DNER: variants seen among roughly 807,000 people sequenced by gnomAD.
DNER encodes delta and Notch-like epidermal growth factor-related receptor.
Under a neutral mutation model 78.2 loss-of-function variants are expected in DNER, and 33 were observed. That is an observed-to-expected ratio of 0.42 (90% CI 0.32 to 0.56). The LOEUF is 0.56. Ranked by LOEUF, DNER falls within the 20% of genes least tolerant of loss-of-function variation. The probability of loss-of-function intolerance (pLI) is 0.11; values close to 1 mark genes in which losing one functional copy is unlikely to be tolerated. For missense variants in DNER, 918 were observed against 975.3 expected (o/e 0.94, Z 0.78); for synonymous variants, 417 against 384.8 (o/e 1.08, Z -0.98).
intron 1 of DNER, among the ~76,000 whole-genome samples, chr2:229,638,312 A>G (rs1698560141): frequency 6.6e-6 from 1 of 152,244 alleles, no homozygotes; most frequent in Non-Finnish European, 1.5e-5. Flanking sequence ...TAATTTCATA[A>G]TTGCAGTCTA....
intron 6 of DNER, among the ~76,000 whole-genome samples, chr2:229,483,412 T>C (rs901383951): frequency 2.0e-5 from 3 of 152,220 alleles, no homozygotes; most frequent in African/African-American, 7.2e-5. Flanking sequence ...TCTGTGCCTA[T>C]TGGTATGCAA....
chr2:229,526,427 A>G (rs1310252121), intron 5 of DNER, among the ~76,000 whole-genome samples: 3 of 152,220 alleles, frequency 2.0e-5, no homozygotes, highest in Non-Finnish European at 1.5e-5. Context: ...ATACAGAGGA[A>G]ATGAAACCCA....
At chr2:229,443,097 T>C (rs1475532665) in intron 8 of DNER, among the ~76,000 whole-genome samples, 1 of 151,922 alleles carries the variant, frequency 6.6e-6, no homozygotes, top group Non-Finnish European at 1.5e-5. Context: ...TCTTGCTTGT[T>C]AAAAAAAATT....
At chr2:229,374,836 AAAGTT>A (rs200196468) in intron 11 of DNER, among the ~76,000 whole-genome samples, 2,954 of 152,298 alleles carry the variant, frequency 0.019, 91 homozygotes, top group African/African-American at 0.067. Flanking sequence ...ACACTTATAA[AAAGTT>A]AAGTATTATT....
At chr2:229,658,292 A>G in intron 1 of DNER, among the ~76,000 whole-genome samples, 1 of 152,210 alleles carries the variant, frequency 6.6e-6, no homozygotes, top group East Asian at 1.9e-4. Flanking sequence ...TTGCCTGAAG[A>G]TGTCAGAGAA....
chr2:229,382,063 T>G (rs4972899), intron 11 of DNER, among the ~76,000 whole-genome samples: 93,804 of 152,098 alleles, frequency 0.62, 30,137 homozygotes, highest in East Asian at 0.91. Flanking sequence ...AGCTTCCAGA[T>G]GAAGGAACAG....
intron 1 of DNER, among the ~76,000 whole-genome samples, chr2:229,671,597 A>T (rs1053244437): frequency 6.6e-5 from 10 of 152,214 alleles, no homozygotes; most frequent in Admixed American, 6.5e-4. Flanking sequence ...TCCTATGCCC[A>T]CCACAAAGCA....
At chr2:229,576,168 A>AT (rs949179913) in intron 4 of DNER, among the ~76,000 whole-genome samples, 1 of 151,940 alleles carries the variant, frequency 6.6e-6, no homozygotes, top group Non-Finnish European at 1.5e-5. Context: ...AAATATTTGC[A>AT]TTTTTTTTAA....
intron 1 of DNER, among the ~76,000 whole-genome samples, chr2:229,669,512 C>T (rs1699171765): frequency 6.6e-6 from 1 of 151,992 alleles, no homozygotes; most frequent in Admixed American, 6.6e-5. Flanking sequence ...GGCATACGGC[C>T]ATTTGCAGGA....
At chr2:229,400,428 A>G (rs1559341582) in intron 10 of DNER, among the ~76,000 whole-genome samples, 1 of 152,054 alleles carries the variant, frequency 6.6e-6, no homozygotes, top group African/African-American at 2.4e-5. Flanking sequence ...CCAATTAAAA[A>G]AACCAGAGAT....
intron 1 of DNER, among the ~76,000 whole-genome samples, chr2:229,687,785 CA>C (rs1699511038): frequency 1.3e-5 from 2 of 152,094 alleles, no homozygotes; most frequent in South Asian, 4.1e-4. Context: ...CTGTAGCTGC[CA>C]AATTTAGACA....
intron 8 of DNER, 81 bp downstream of exon 8, chr2:229,447,235 T>C: frequency 7.2e-7 from 1 of 1,381,542 alleles, no homozygotes; most frequent in Non-Finnish European, 9.8e-7. Flanking sequence ...TATACCAAGA[T>C]GCAAAAGAAA....
chr2:229,647,870 T>A (rs1226584779), intron 1 of DNER, among the ~76,000 whole-genome samples: 1 of 152,194 alleles, frequency 6.6e-6, no homozygotes, highest in African/African-American at 2.4e-5. Context: ...TACATGTGAA[T>A]AATATTATGA....
At chr2:229,528,201 C>T (rs1696240994) in intron 5 of DNER, among the ~76,000 whole-genome samples, 1 of 152,212 alleles carries the variant, frequency 6.6e-6, no homozygotes, top group East Asian at 1.9e-4. Context: ...TCCCTGCTCA[C>T]TCAAAAGACG....
At chr2:229,558,945 G>A (rs1574902211) in intron 4 of DNER, among the ~76,000 whole-genome samples, 1 of 152,150 alleles carries the variant, frequency 6.6e-6, no homozygotes, top group East Asian at 1.9e-4. Flanking sequence ...AGCACCATGG[G>A]AATCCATTGG....
intron 4 of DNER, among the ~76,000 whole-genome samples, chr2:229,573,049 G>C (rs1469029216): frequency 6.6e-6 from 1 of 152,136 alleles, no homozygotes; most frequent in African/African-American, 2.4e-5. Flanking sequence ...CAAGGATGCA[G>C]ATAAATGAGC....
chr2:229,583,801 G>A (rs970396758), intron 4 of DNER, among the ~76,000 whole-genome samples: 2 of 152,120 alleles, frequency 1.3e-5, no homozygotes, highest in Non-Finnish European at 2.9e-5. Flanking sequence ...TTTGATTCTT[G>A]ACAAGTCTTT....
At position 229,532,009 on chromosome 2, in the gene DNER, G is replaced by T. The variant is rs553883559; in HGVS notation, c.993+14938C>A. Among the ~76,000 whole-genome samples, 5 of 152,234 alleles carry T rather than the reference G, an allele frequency of 3.3e-5. No homozygotes were observed. The South Asian group carries it at 1.0e-3, about 32-fold the overall frequency. The stretch of plus-strand genomic sequence containing the variant: ...ACAGGGGTTGGGGGAAGGGACAAAT[G>T]GGGAGTAACTGCTTAATGAATATGA... On this transcript the variant is annotated intron_variant, in intron 5 of 12. Transcript: ENST00000341772.
chr2:229,626,207 C>A (rs1177915501), intron 1 of DNER, among the ~76,000 whole-genome samples: 1 of 152,184 alleles, frequency 6.6e-6, no homozygotes, highest in Non-Finnish European at 1.5e-5. Context: ...GCGTGAGCCA[C>A]CGTGCCCGGC....
Sources: gnomAD v4.1 joint callset for allele counts (sites outside exome capture counted in the v4.1 genomes callset) on GRCh38, gnomAD v4.1.1 for gene constraint, MANE v1.5 for transcripts, NCBI Gene and HGNC (gene_info 2026-07-23, HGNC 2026-07-21) for gene names.